PCDHGB4: variants seen among roughly 807,000 people sequenced by gnomAD.
PCDHGB4 encodes protocadherin gamma-B4.
In PCDHGB4, 38 loss-of-function variants were observed where a neutral mutation model predicts 60.5. The ratio of observed to expected loss-of-function variants is 0.63; its 90% confidence interval spans 0.48 to 0.82. PCDHGB4 has a LOEUF of 0.82. Ranked by LOEUF, PCDHGB4 falls within the 40% of genes least tolerant of loss-of-function variation. The probability of loss-of-function intolerance (pLI) is 0.00; values close to 1 mark genes in which losing one functional copy is unlikely to be tolerated. For missense variants in PCDHGB4, 1,109 were observed against 1,209.6 expected (o/e 0.92, Z 1.23); for synonymous variants, 456 against 509.7 (o/e 0.89, Z 1.42).
At chr5:141,399,936 C>T (rs1370105984) in intron 1 of PCDHGB4, 2 of 1,612,268 alleles carry the variant, frequency 1.2e-6, no homozygotes, top group Non-Finnish European at 8.5e-7. Flanking sequence ...TGTCCTACCA[C>T]GTGCTGCAGG....
chr5:141,448,166 A>G (rs1475687778), intron 1 of PCDHGB4, among the ~76,000 whole-genome samples: 2 of 151,978 alleles, frequency 1.3e-5, no homozygotes, highest in Non-Finnish European at 2.9e-5. Context: ...AAAGATCACT[A>G]CTATTCATCC....
At chr5:141,497,827 C>T (rs1390986916) in intron 2 of PCDHGB4, among the ~76,000 whole-genome samples, 3 of 152,188 alleles carry the variant, frequency 2.0e-5, no homozygotes, top group East Asian at 3.9e-4. Flanking sequence ...GGTGTGATCG[C>T]CCCCGGCCAC....
intron 1 of PCDHGB4, among the ~76,000 whole-genome samples, chr5:141,451,804 C>G (rs914303400): frequency 9.2e-5 from 14 of 151,946 alleles, no homozygotes; most frequent in African/African-American, 3.4e-4. Context: ...TTGCTTGAAC[C>G]CAGGAGGCGG....
Position 141,491,874 on chromosome 5 carries a change from T to G in PCDHGB4, c.2398-2933T>G, listed in dbSNP as rs1160702024. On this transcript the variant is annotated intron_variant, in intron 1 of 3. Coordinates refer to ENST00000519479, the MANE Select transcript of PCDHGB4 (RefSeq NM_003736.4). The surrounding 1 kb of genome is among the most constrained non-coding windows in gnomAD (Gnocchi z 6.9). ...GTTTGCGCGAAACCAGAGTGGCCGA[T>G]TAAGGGATGGGGCTCCGAGCACCGG... 15 of 1,451,168 alleles carry G rather than the reference T, an allele frequency of 1.0e-5. No homozygotes were observed. The highest frequency in any genetic ancestry group is 1.4e-5 in the Non-Finnish European group (15 of 1,098,162). 89.9% of individuals were successfully genotyped at this position (1,451,168 alleles called of 1,614,324 possible). A position where few individuals can be genotyped will look rare whatever the true frequency, so the allele number is the denominator to read the frequency against.
intron 2 of PCDHGB4, among the ~76,000 whole-genome samples, chr5:141,499,445 C>A (rs904360147): frequency 1.3e-5 from 2 of 152,062 alleles, no homozygotes; most frequent in African/African-American, 4.8e-5. Flanking sequence ...AAAGGAAAAC[C>A]ACCCATCATT....
chr5:141,460,983 G>GTGTATA (rs1554142949), intron 1 of PCDHGB4, among the ~76,000 whole-genome samples: 24 of 137,844 alleles, frequency 1.7e-4, no homozygotes, highest in African/African-American at 5.4e-4. Context: ...GTGTGTGTGT[G>GTGTATA]TATATATATA....
intron 2 of PCDHGB4, among the ~76,000 whole-genome samples, chr5:141,498,747 C>T (rs1363145286): frequency 6.6e-6 from 1 of 152,106 alleles, no homozygotes; most frequent in Non-Finnish European, 1.5e-5. Context: ...GCCTGGCCAA[C>T]ATGATGAAAC....
In PCDHGB4 at chr5:141,413,416, C is replaced by G. The variant is rs893515703; in HGVS notation, c.2397+23135C>G. ...CAGAGGTAGGACGCAGCTTTTCTCT[C>G]TGAACCCGCGCAGCGGCAGCTTGAT... On this transcript the variant is annotated intron_variant, in intron 1 of 3. Transcript: ENST00000519479. 1 of 1,614,100 alleles carries G rather than the reference C, an allele frequency of 6.2e-7. No individual in the cohort carries two copies. Among genetic ancestry groups the G allele is most frequent in the Admixed American group, 1.7e-5 (1 of 60,034 alleles).
chr5:141,478,604 T>C (rs1425759709), intron 1 of PCDHGB4: 2 of 1,562,580 alleles, frequency 1.3e-6, no homozygotes, highest in South Asian at 2.3e-5. Context: ...CTACATCATA[T>C]TGAGGAAGGA....
chr5:141,444,001 C>G (rs2098413288), intron 1 of PCDHGB4, among the ~76,000 whole-genome samples: 1 of 151,914 alleles, frequency 6.6e-6, no homozygotes, highest in Non-Finnish European at 1.5e-5. Flanking sequence ...TTAAATGCTA[C>G]CTGGGTATTG....
chr5:141,485,387 C>T lies in PCDHGB4; in HGVS notation c.2398-9420C>T. The T allele has an allele frequency of 6.2e-7, 1 of 1,614,078 alleles. No homozygotes were observed. Among genetic ancestry groups the T allele is most frequent in the Non-Finnish European group, 8.5e-7 (1 of 1,179,994 alleles). On this transcript the variant is annotated intron_variant, in intron 1 of 3. Coordinates refer to ENST00000519479, the MANE Select transcript of PCDHGB4 (RefSeq NM_003736.4). This position sits in a 1 kb window ranked among gnomAD's most constrained non-coding sequence, Gnocchi z 5.7. ...GCTGCAGGTCGCTGGAGAGGTGAAC[C>T]AAAGACACTTCCGTGTGGATTTGGA...
chr5:141,449,774 A>G (rs541830970), intron 1 of PCDHGB4, among the ~76,000 whole-genome samples: 2 of 151,714 alleles, frequency 1.3e-5, no homozygotes, highest in African/African-American at 4.8e-5. Flanking sequence ...AAGTTGTAGA[A>G]ATTATGTTTC....
Position 141,427,790 on chromosome 5 carries a change from C to T in PCDHGB4, c.2397+37509C>T, listed in dbSNP as rs1212280689. ...TGGAGCTGCGGGCACTGTCGTCCTACGTGTCCGTGAGCGCACAGAGCGGGG... is the reference window on the plus strand; with the variant it reads ...TGGAGCTGCGGGCACTGTCGTCCTATGTGTCCGTGAGCGCACAGAGCGGGG... On this transcript the variant is annotated intron_variant, in intron 1 of 3. Transcript: ENST00000519479. 2.0e-6 allele frequency: 3 copies of T among 1,482,108 alleles called. No homozygotes were observed. The Admixed American group carries it at 5.0e-5, about 25-fold the overall frequency. 91.8% of individuals were successfully genotyped at this position (1,482,108 alleles called of 1,614,324 possible).
chr5:141,444,152 ATTTTTTTTTTTTTT>A (rs747671382), intron 1 of PCDHGB4, among the ~76,000 whole-genome samples: 241 of 33,882 alleles, frequency 7.1e-3, no homozygotes, highest in African/African-American at 0.019. Flanking sequence ...TGTGTACTGG[ATTTTTTTTTTTTTT>A]TTTTTTTTTT....
At chr5:141,510,850 G>A in intron 3 of PCDHGB4, 97 bp from the exon 4 acceptor site, 4 of 1,599,444 alleles carry the variant, frequency 2.5e-6, no homozygotes, top group South Asian at 1.1e-5. Context: ...AAGGCCCAGG[G>A]TGCTGTATAG....
chr5:141,405,059 G>A (rs374581472), intron 1 of PCDHGB4: 22 of 1,613,900 alleles, frequency 1.4e-5, no homozygotes, highest in Non-Finnish European at 1.9e-5. Flanking sequence ...CGTCTCCTGT[G>A]TCTTCCTCAC....
chr5:141,410,458 T>C (rs776990737), intron 1 of PCDHGB4: 9 of 1,613,922 alleles, frequency 5.6e-6, no homozygotes, highest in Middle Eastern at 3.3e-4. Context: ...CTTATTCTTA[T>C]AATCTGTGCA....
intron 1 of PCDHGB4, among the ~76,000 whole-genome samples, chr5:141,465,348 A>C (rs886810999): frequency 6.6e-6 from 1 of 152,158 alleles, no homozygotes; most frequent in African/African-American, 2.4e-5. Context: ...GTTACTGAAG[A>C]AAAAATGGGT....
intron 1 of PCDHGB4, chr5:141,399,845 T>G: frequency 6.2e-7 from 1 of 1,612,982 alleles, no homozygotes; most frequent in Non-Finnish European, 8.5e-7. Context: ...CTCTTCGATA[T>G]GGTGCCGCGC....
Sources: allele counts gnomAD v4.1 joint callset (sites outside exome capture counted in the v4.1 genomes callset), GRCh38; gene constraint gnomAD v4.1.1; non-coding constraint Gnocchi (gnomAD v3.1); transcripts MANE v1.5; gene names NCBI Gene and HGNC (gene_info 2026-07-23, HGNC 2026-07-21).